Variants in CA10 observed in about 807,000 individuals in gnomAD.
The protein encoded by CA10 is carbonic anhydrase 10 (inactive).
In CA10, 14 loss-of-function variants were observed where a neutral mutation model predicts 44.2. The ratio of observed to expected loss-of-function variants is 0.32; its 90% CI spans 0.21 to 0.50. The LOEUF is 0.50. Ranked by LOEUF, CA10 falls within the 20% of genes least tolerant of loss-of-function variation. CA10 has a pLI of 0.99. For missense variants in CA10, 350 were observed against 409.7 expected, an observed-to-expected ratio of 0.85 and a Z score of 1.26; for synonymous variants, 159 against 141.6, an observed-to-expected ratio of 1.12 and a Z score of -0.87.
chr17:51,820,965 T>C (rs975701056), intron 3 of CA10, among the ~76,000 whole-genome samples: 1 of 151,776 alleles, frequency 6.6e-6, no homozygotes, highest in Non-Finnish European at 1.5e-5. Context: ...AACTCCTTAG[T>C]AGAAGAGCTG....
At chr17:52,060,053 T>C (rs993597840) in intron 2 of CA10, among the ~76,000 whole-genome samples, 4 of 152,288 alleles carry the variant, frequency 2.6e-5, no homozygotes, top group East Asian at 1.9e-4. Context: ...TGATTGGTGA[T>C]AGAAATACGT....
At chr17:52,143,395 T>C (rs922199852) in intron 1 of CA10, among the ~76,000 whole-genome samples, 3 of 152,186 alleles carry the variant, frequency 2.0e-5, no homozygotes, top group Non-Finnish European at 2.9e-5. Context: ...TTAATAATAG[T>C]TGTATTATGG....
At chr17:51,896,914 C>T (rs1406396653) in intron 3 of CA10, among the ~76,000 whole-genome samples, 1 of 150,258 alleles carries the variant, frequency 6.7e-6, no homozygotes, top group Non-Finnish European at 1.5e-5. Flanking sequence ...TGTCCTTTGC[C>T]CACTTTTAAA....
intron 4 of CA10, among the ~76,000 whole-genome samples, chr17:51,680,588 T>G (rs373127719): frequency 6.6e-6 from 1 of 152,174 alleles, no homozygotes; most frequent in African/African-American, 2.4e-5. Flanking sequence ...AGGGAGTGTT[T>G]GGAAACATCT....
chr17:51,813,478 T>C (rs572613511), intron 3 of CA10, among the ~76,000 whole-genome samples: 5 of 152,322 alleles, frequency 3.3e-5, no homozygotes, highest in African/African-American at 1.2e-4. Context: ...TCCTCCCCCA[T>C]GGAGCACTTT....
chr17:51,994,127 G>A (rs1406902430), intron 2 of CA10, among the ~76,000 whole-genome samples: 1 of 152,000 alleles, frequency 6.6e-6, no homozygotes, highest in African/African-American at 2.4e-5. Context: ...ATCTTAAAGA[G>A]TGAATAGATA....
chr17:51,723,447 CTGGTGCCTGGGAT>C (rs1369728803), intron 4 of CA10, among the ~76,000 whole-genome samples: 5 of 152,154 alleles, frequency 3.3e-5, no homozygotes, highest in South Asian at 4.1e-4. Flanking sequence ...GTAAGTGCTA[CTGGTGCCTGGGAT>C]TGGTGCCTGG....
chr17:52,092,528 C>T (rs769430606), intron 1 of CA10, among the ~76,000 whole-genome samples: 6 of 152,188 alleles, frequency 3.9e-5, no homozygotes, highest in East Asian at 1.9e-4. Flanking sequence ...GCACCTTCTC[C>T]GTGATACAAG....
chr17:52,057,042 C>T lies in CA10; in HGVS notation c.136+15277G>A, dbSNP rs954175920. On this transcript the variant is annotated intron_variant, in intron 2 of 8. Transcript: ENST00000451037. ...AACCCTTTGAAATGTTCTCTTGGAA[C>T]AAAACTCATGTAGCTGAATGCCTCT... Among the ~76,000 whole-genome samples the T allele has an allele frequency of 1.1e-4, 17 of 152,196 alleles. No individual in the cohort carries two copies. In the South Asian group the frequency reaches 1.9e-3, roughly 17 times the overall value.
intron 3 of CA10, among the ~76,000 whole-genome samples, chr17:51,829,456 C>G (rs540081681): frequency 4.6e-5 from 7 of 152,202 alleles, no homozygotes; most frequent in African/African-American, 1.7e-4. Flanking sequence ...AAAGACAGTG[C>G]CATGCAAATG....
chr17:52,034,965 C>T (rs1047907910), intron 2 of CA10, among the ~76,000 whole-genome samples: 7 of 152,206 alleles, frequency 4.6e-5, no homozygotes, highest in Non-Finnish European at 7.4e-5. Context: ...AGAGATATCA[C>T]ACTGGGCTCA....
chr17:52,022,777 A>C (rs1372423301), intron 2 of CA10, among the ~76,000 whole-genome samples: 1 of 152,126 alleles, frequency 6.6e-6, no homozygotes, highest in African/African-American at 2.4e-5. Context: ...ATACAAAATA[A>C]AAGTACAAAA....
At chr17:51,767,932 T>TGGTC (rs1159265122) in intron 3 of CA10, among the ~76,000 whole-genome samples, 1 of 151,752 alleles carries the variant, frequency 6.6e-6, no homozygotes. Context: ...CATTGGGGAG[T>TGGTC]GGTCCATGGC....
At chr17:51,992,822 C>A (rs1985090273) in intron 2 of CA10, among the ~76,000 whole-genome samples, 1 of 152,102 alleles carries the variant, frequency 6.6e-6, no homozygotes, top group Non-Finnish European at 1.5e-5. Context: ...AGTCTTCTGG[C>A]ATCCTCAATA....
Position 52,157,904 on chromosome 17 carries a change from C to T in CA10, c.-118G>A, listed in dbSNP as rs1230118096. The T allele has an allele frequency of 1.2e-6, 1 of 813,358 alleles. No homozygotes were observed. The highest frequency in any genetic ancestry group is 1.4e-5 in the South Asian group (1 of 70,760). The allele number at this position is 813,358 out of a possible 1,614,324, so 50.4% of individuals were successfully genotyped here. A position where few individuals can be genotyped will look rare whatever the true frequency, so the allele number is the denominator to read the frequency against. On this transcript the variant is annotated 5_prime_UTR_variant, in exon 1 of 9. In the 5' UTR this introduces an upstream ATG that the reference lacks. Coordinates refer to ENST00000451037, the MANE Select transcript of CA10 (RefSeq NM_020178.5). ...ACTTCCGAGCGAGTGCACACTCGCACTCCCACCCGACAGCCGGCCAGGGAC... is the reference window on the plus strand; with the variant it reads ...ACTTCCGAGCGAGTGCACACTCGCATTCCCACCCGACAGCCGGCCAGGGAC...
intron 3 of CA10, among the ~76,000 whole-genome samples, chr17:51,928,479 T>C (rs1319100165): frequency 6.6e-6 from 1 of 152,148 alleles, no homozygotes; most frequent in Non-Finnish European, 1.5e-5. Context: ...AGGTCAAATA[T>C]GTTAAAATAA....
At chr17:51,753,757 C>T (rs563399733) in intron 3 of CA10, among the ~76,000 whole-genome samples, 2 of 152,318 alleles carry the variant, frequency 1.3e-5, no homozygotes, top group African/African-American at 4.8e-5. Flanking sequence ...AGCAAACTGC[C>T]ATCAGTCGGG....
chr17:51,815,810 T>C (rs554974372), intron 3 of CA10, among the ~76,000 whole-genome samples: 12 of 152,154 alleles, frequency 7.9e-5, no homozygotes, highest in Non-Finnish European at 1.8e-4. Context: ...TGTATAAAAA[T>C]ATATAAATAT....
chr17:52,099,984 A>C (rs553323139), intron 1 of CA10, among the ~76,000 whole-genome samples: 1 of 152,310 alleles, frequency 6.6e-6, no homozygotes, highest in East Asian at 1.9e-4. Flanking sequence ...TGGGGAGGAA[A>C]GTCTGATCAG....
Sources: allele counts gnomAD v4.1 joint callset (sites outside exome capture counted in the v4.1 genomes callset), GRCh38; gene constraint gnomAD v4.1.1; transcripts MANE v1.5; gene names NCBI Gene and HGNC (gene_info 2026-07-23, HGNC 2026-07-21).